LRRC4C: variants seen among roughly 807,000 people sequenced by gnomAD.
LRRC4C encodes the protein leucine-rich repeat-containing protein 4C.
In LRRC4C, 5 loss-of-function variants were observed where a neutral mutation model predicts 33.6. The observed-to-expected ratio is 0.15, with a 90% CI of 0.08 to 0.31. LRRC4C has a LOEUF of 0.31. LRRC4C is among the 10% of genes least tolerant of loss of function. The pLI, the probability that LRRC4C is intolerant of heterozygous loss-of-function variation, is 1.00. For missense variants in LRRC4C, 560 were observed against 796.7 expected (o/e 0.70, Z 3.58); for synonymous variants, 329 against 302.0 (o/e 1.09, Z -0.93).
intron 1 of LRRC4C, among the ~76,000 whole-genome samples, chr11:41,409,673 G>T (rs897356886): frequency 6.6e-6 from 1 of 152,124 alleles, no homozygotes; most frequent in East Asian, 1.9e-4. Context: ...AGGTGAGGGG[G>T]TCTATACCAA....
intron 1 of LRRC4C, among the ~76,000 whole-genome samples, chr11:41,050,605 C>T (rs1858131529): frequency 6.6e-6 from 1 of 152,104 alleles, no homozygotes; most frequent in African/African-American, 2.4e-5. Flanking sequence ...ATCCTTGTCC[C>T]CACTAAGGAT....
At chr11:40,745,032 C>T (rs1410957565) in intron 2 of LRRC4C, among the ~76,000 whole-genome samples, 1 of 152,050 alleles carries the variant, frequency 6.6e-6, no homozygotes, top group African/African-American at 2.4e-5. Flanking sequence ...AAATAATAAA[C>T]ATAAAAGCAC....
chr11:40,275,270 G>T lies in LRRC4C; in HGVS notation c.-175-33672C>A, dbSNP rs951890901. Among the ~76,000 whole-genome samples, 3 of 151,996 alleles carry T rather than the reference G, an allele frequency of 2.0e-5. No homozygotes were observed. The East Asian group carries it at 5.8e-4, about 29-fold the overall frequency. ...GCCCATTTGGCAATCTAGCTTCAGG[G>T]ACCATTGCTGCATATTAGAATAATA... On this transcript the variant is annotated intron_variant, in intron 4 of 6. Coordinates refer to ENST00000528697, the MANE Select transcript of LRRC4C (RefSeq NM_001258419.2).
At chr11:40,252,043 C>A (rs1357220468) in intron 4 of LRRC4C, among the ~76,000 whole-genome samples, 2 of 152,102 alleles carry the variant, frequency 1.3e-5, no homozygotes, top group East Asian at 1.9e-4. Flanking sequence ...TATCCTATTT[C>A]ATGGAATCAG....
At chr11:40,372,611 G>T (rs1948497413) in intron 3 of LRRC4C, among the ~76,000 whole-genome samples, 1 of 152,164 alleles carries the variant, frequency 6.6e-6, no homozygotes. Context: ...TATTTGGTGG[G>T]GAGGGGGAGA....
intron 3 of LRRC4C, among the ~76,000 whole-genome samples, chr11:40,603,140 T>C (rs918250709): frequency 6.6e-6 from 1 of 152,136 alleles, no homozygotes; most frequent in Non-Finnish European, 1.5e-5. Context: ...TGAGGACAAT[T>C]ACTCACAATG....
intron 1 of LRRC4C, among the ~76,000 whole-genome samples, chr11:41,047,581 TAATAA>T (rs1857866801): frequency 6.6e-6 from 1 of 152,110 alleles, no homozygotes; most frequent in South Asian, 2.1e-4. Context: ...AGAAATAATT[TAATAA>T]AATAAAAAAT....
intron 1 of LRRC4C, among the ~76,000 whole-genome samples, chr11:41,047,359 G>C (rs192710503): frequency 7.2e-5 from 11 of 152,130 alleles, no homozygotes; most frequent in African/African-American, 2.6e-4. Context: ...ACAAATGTTA[G>C]CAAGGATTTG....
At chr11:40,783,305 T>A (rs1950290744) in intron 2 of LRRC4C, among the ~76,000 whole-genome samples, 1 of 150,506 alleles carries the variant, frequency 6.6e-6, no homozygotes, top group South Asian at 2.1e-4. Context: ...ATTTTATTTT[T>A]TATTTTTTGA....
At chr11:40,286,787 A>T (rs1943870565) in intron 4 of LRRC4C, among the ~76,000 whole-genome samples, 1 of 152,274 alleles carries the variant, frequency 6.6e-6, no homozygotes, top group African/African-American at 2.4e-5. Context: ...TTAATTGACA[A>T]ATTTAGGGGC....
intron 1 of LRRC4C, among the ~76,000 whole-genome samples, chr11:40,946,860 G>T (rs757097187): frequency 6.6e-6 from 1 of 151,908 alleles, no homozygotes; most frequent in Admixed American, 6.6e-5. Flanking sequence ...TTGACCACAC[G>T]CTCAACCATA....
intron 2 of LRRC4C, among the ~76,000 whole-genome samples, chr11:40,829,513 T>C (rs1952314245): frequency 6.6e-6 from 1 of 152,048 alleles, no homozygotes; most frequent in Non-Finnish European, 1.5e-5. Context: ...TAAAGGCTGC[T>C]CAAATTATTT....
intron 4 of LRRC4C, among the ~76,000 whole-genome samples, chr11:40,283,618 A>G: frequency 6.6e-6 from 1 of 151,634 alleles, no homozygotes; most frequent in East Asian, 1.9e-4. Context: ...TTCTCCCCAG[A>G]TACACTGAAA....
chr11:40,767,997 G>A (rs1296041902), intron 2 of LRRC4C, among the ~76,000 whole-genome samples: 1 of 151,842 alleles, frequency 6.6e-6, no homozygotes, highest in Admixed American at 6.6e-5. Flanking sequence ...AAGCAAAATT[G>A]AAAGGGGAAA....
chr11:41,320,785 C>T (rs531943393), intron 1 of LRRC4C, among the ~76,000 whole-genome samples: 1 of 152,272 alleles, frequency 6.6e-6, no homozygotes, highest in East Asian at 1.9e-4. Context: ...TGCTCAGGAG[C>T]TCACACTCAT....
At chr11:40,450,630 G>A (rs1321586751) in intron 3 of LRRC4C, among the ~76,000 whole-genome samples, 1 of 151,930 alleles carries the variant, frequency 6.6e-6, no homozygotes, top group Non-Finnish European at 1.5e-5. Flanking sequence ...CTTGGAGCCT[G>A]TTAGAAAGTA....
chr11:41,234,640 G>A (rs1419591125), intron 1 of LRRC4C, among the ~76,000 whole-genome samples: 1 of 152,058 alleles, frequency 6.6e-6, no homozygotes, highest in African/African-American at 2.4e-5. Flanking sequence ...TGGATGAAAA[G>A]ATTAGTTCTC....
At chr11:41,239,889 T>C (rs558905990) in intron 1 of LRRC4C, among the ~76,000 whole-genome samples, 1 of 152,204 alleles carries the variant, frequency 6.6e-6, no homozygotes, top group Non-Finnish European at 1.5e-5. Context: ...ATCCTAACAA[T>C]TGCATTTATT....
intron 2 of LRRC4C, among the ~76,000 whole-genome samples, chr11:40,716,878 A>C (rs1346860814): frequency 3.3e-5 from 5 of 152,204 alleles, no homozygotes; most frequent in African/African-American, 1.2e-4. Flanking sequence ...CATTAGAATA[A>C]GAATGAGGAT....
Sources: gnomAD v4.1 joint callset for allele counts (sites outside exome capture counted in the v4.1 genomes callset) on GRCh38, gnomAD v4.1.1 for gene constraint, MANE v1.5 for transcripts, NCBI Gene and HGNC (gene_info 2026-07-23, HGNC 2026-07-21) for gene names.